Variants in GGT1 observed in about 807,000 individuals in gnomAD.
The protein encoded by GGT1 is glutathione hydrolase 1 proenzyme.
A neutral mutation model predicts 56.0 loss-of-function variants in GGT1; 21 were observed. The ratio of observed to expected loss-of-function variants is 0.38; its 90% CI spans 0.27 to 0.54. The LOEUF (loss-of-function observed/expected upper bound fraction) is 0.54, where lower values mean the gene tolerates loss of function less well. Ranked by LOEUF, GGT1 falls within the 20% of genes least tolerant of loss-of-function variation. GGT1 has a pLI of 0.82. For missense variants in GGT1, 466 were observed against 787.0 expected, an observed-to-expected ratio of 0.59 and a Z score of 4.88; for synonymous variants, 238 against 342.6, an observed-to-expected ratio of 0.69 and a Z score of 3.37.
In GGT1 at chr22:24,621,009, T is replaced by G. The variant is rs755502114; in HGVS notation, c.672T>G (p.Gly224=). The G allele has an allele frequency of 2.5e-6, 4 of 1,610,710 alleles. No individual in the cohort carries two copies. The South Asian group carries it at 4.4e-5, about 18-fold the overall frequency. The change falls in exon 9 of 16, where the codon GGT becomes GGG. Residue 224 remains glycine (G), a synonymous_variant. Transcript: ENST00000400382. The part of the protein sequence containing the change: ...ADTYETLAIE[G]AQAFYNGSLT... Reference sequence around the variant, plus strand: ...CCTACGAGACGCTGGCCATCGAGGGTGCCCAGGCCTTCTACAACGGCAGCC... The same window carrying G: ...CCTACGAGACGCTGGCCATCGAGGGGGCCCAGGCCTTCTACAACGGCAGCC...
chr22:24,607,793 G>A (rs377187955), intron 1 of GGT1, 161 bp from the exon 2 acceptor site: 521 of 341,620 alleles, frequency 1.5e-3, no homozygotes, highest in South Asian at 4.0e-3. Context: ...CTCCTCGGAG[G>A]TGGCCACCCC....
At chr22:24,602,126 G>A (rs1449047568), upstream of GGT1, among the ~76,000 whole-genome samples, 2 of 152,218 alleles carry the variant, frequency 1.3e-5, no homozygotes, top group South Asian at 2.1e-4. Context: ...GGCTCAGGAC[G>A]GGCCTAGGGT....
At chr22:24,587,125 TC>T in the GGT1 span, among the ~76,000 whole-genome samples, 51 of 152,298 alleles carry the variant, frequency 3.3e-4, no homozygotes, top group East Asian at 7.7e-4. Flanking sequence ...CATGTTTTTT[TC>T]CCTGTGCCCC....
At chr22:24,589,297 C>T in the GGT1 span, 2 of 1,219,910 alleles carry the variant, frequency 1.6e-6, no homozygotes, top group Non-Finnish European at 2.1e-6. Flanking sequence ...TGGCAAACTC[C>T]ACCCCAGCAA....
chr22:24,588,853 A>G, the GGT1 span: 1 of 1,006,512 alleles, frequency 9.9e-7, no homozygotes, highest in Non-Finnish European at 1.2e-6. Context: ...GTAATGTTTT[A>G]CAGCACCACC....
At chr22:24,607,385 G>GGA (rs1439051715) in intron 1 of GGT1, among the ~76,000 whole-genome samples, 41 of 152,320 alleles carry the variant, frequency 2.7e-4, no homozygotes, top group African/African-American at 8.2e-4. Context: ...TTCTGAACAG[G>GGA]GACAGGGAGA....
Position 24,623,818 on chromosome 22 carries a change from C to T in GGT1, c.922C>T (p.Gln308Ter), listed in dbSNP as rs1312283940. ...CCGGGAGAGCGTGGAGAGCCCCGAGCAGAAGGGCCTGACGTACCACCGCAT... is the reference window on the plus strand; with the variant it reads ...CCGGGAGAGCGTGGAGAGCCCCGAGTAGAAGGGCCTGACGTACCACCGCAT... ...FSRESVESPE[Q>*]KGLTYHRIVE... Residue 308 changes from glutamine to a stop codon, truncating the protein, a stop_gained, in exon 11 of 16, where the codon CAG becomes TAG. Coordinates refer to ENST00000400382, the MANE Select transcript of GGT1 (RefSeq NM_001288833.2). LOFTEE classifies it high-confidence loss of function. 1 of 1,611,878 alleles carries T rather than the reference C, an allele frequency of 6.2e-7. No individual in the cohort carries two copies.
intron 11 of GGT1, 183 bp downstream of exon 11, chr22:24,624,099 G>A (rs374108988): frequency 7.1e-6 from 7 of 981,676 alleles, no homozygotes; most frequent in African/African-American, 1.8e-5. Flanking sequence ...GGCTTCTGCC[G>A]CACAGAACTG....
At chr22:24,589,835 G>A, upstream of GGT1, 1 of 1,613,164 alleles carries the variant, frequency 6.2e-7, no homozygotes. Context: ...TTGGGGCACT[G>A]CAGGTCCCGG....
chr22:24,596,914 C>CAAAAAAAA (rs78452000), intron 1 of GGT1, among the ~76,000 whole-genome samples: 1 of 63,026 alleles, frequency 1.6e-5, no homozygotes, highest in Non-Finnish European at 2.9e-5. Flanking sequence ...GACTCTGTCT[C>CAAAAAAAA]AAAAAAAAAA....
At chr22:24,592,208 T>A, upstream of GGT1, 1 of 437,814 alleles carries the variant, frequency 2.3e-6, no homozygotes. Context: ...GGATCTGGGT[T>A]TAGTGTACCT....
intron 1 of GGT1, among the ~76,000 whole-genome samples, chr22:24,597,250 G>A (rs559340367): frequency 3.9e-5 from 6 of 151,938 alleles, no homozygotes; most frequent in Non-Finnish European, 7.4e-5. Flanking sequence ...CCCAGTGTTG[G>A]GATTACAGGC....
At position 24,596,435 on chromosome 22, in the gene GGT1, A is replaced by G. The variant is rs575466403; in HGVS notation, c.-324+1549A>G. 3.6e-4 allele frequency among the ~76,000 whole-genome samples: 55 copies of G among 151,890 alleles called. 2 individuals carry two copies. The highest frequency in any genetic ancestry group is 1.2e-4 in the Non-Finnish European group (8 of 67,984). The stretch of plus-strand genomic sequence containing the variant: ...TCCAGTCTCTGAAACCATCTACCCT[A>G]TGTGTCTGTGTGGCCTTCACATGGC... On this transcript the variant is annotated intron_variant, in intron 1 of 6. Coordinates refer to the GGT1 transcript ENST00000411974.
chr22:24,619,750 G>A (rs1417656300), intron 7 of GGT1, among the ~76,000 whole-genome samples: 1 of 151,514 alleles, frequency 6.6e-6, no homozygotes, highest in Admixed American at 6.6e-5. Context: ...GGTCAAGGTG[G>A]GATCTGCTCT....
chr22:24,605,462 A>T (rs184280432), intron 1 of GGT1, among the ~76,000 whole-genome samples: 730 of 34,092 alleles, frequency 0.021, 72 homozygotes, highest in African/African-American at 0.056. Flanking sequence ...TATTATATAT[A>T]ATATAATATT....
the GGT1 span, chr22:24,588,076 T>C: frequency 4.4e-6 from 3 of 678,910 alleles, no homozygotes; most frequent in Admixed American, 4.6e-5. Flanking sequence ...ACTTCCAGGG[T>C]AGGGCCCTCA....
chr22:24,592,277 G>C (rs1283735397), upstream of GGT1: 1 of 466,720 alleles, frequency 2.1e-6, no homozygotes, highest in East Asian at 7.0e-5. Flanking sequence ...AGATGCTGGG[G>C]ATGTGTACTC....
At chr22:24,601,854 C>T (rs1018725176), upstream of GGT1, among the ~76,000 whole-genome samples, 1 of 152,220 alleles carries the variant, frequency 6.6e-6, no homozygotes, top group Non-Finnish European at 1.5e-5. Flanking sequence ...AACAAGGACA[C>T]AAAAGAGCCA....
At chr22:24,607,069 G>A (rs926556858) in intron 1 of GGT1, among the ~76,000 whole-genome samples, 39 of 152,206 alleles carry the variant, frequency 2.6e-4, no homozygotes, top group Non-Finnish European at 8.8e-5. Context: ...GTAACTTGGG[G>A]CAGTTACCAG....
Sources: allele counts gnomAD v4.1 joint callset (sites outside exome capture counted in the v4.1 genomes callset), GRCh38; gene constraint gnomAD v4.1.1; transcripts MANE v1.5; gene names NCBI Gene and HGNC (gene_info 2026-07-23, HGNC 2026-07-21).